Variants in ATXN7L1 observed in about 807,000 individuals in gnomAD.
ATXN7L1 encodes ataxin 7 like 1.
ATXN7L1 carries 15 observed loss-of-function variants against 70.8 expected under a neutral mutation model. That is an observed-to-expected ratio of 0.21 (90% confidence interval 0.14 to 0.33). ATXN7L1 has a LOEUF of 0.33. Ranked by LOEUF, ATXN7L1 falls within the 10% of genes least tolerant of loss-of-function variation. ATXN7L1 has a pLI of 1.00. For synonymous variants in ATXN7L1, 440 were observed against 445.1 expected (o/e 0.99, Z 0.14); for missense variants, 975 against 1,097.1 (o/e 0.89, Z 1.57).
chr7:105,610,566 C>G lies in ATXN7L1; in HGVS notation c.2510G>C (p.Ser837Thr). 4 of 1,551,410 alleles carry G rather than the reference C, an allele frequency of 2.6e-6. No homozygotes were observed. Among genetic ancestry groups the G allele is most frequent in the Non-Finnish European group, 3.5e-6 (4 of 1,146,952 alleles). Residue 837 changes from serine (S) to threonine (T), a missense_variant, in exon 11 of 12, where the codon AGT (serine) becomes ACT (threonine). Coordinates refer to ENST00000419735, the MANE Select transcript of ATXN7L1 (RefSeq NM_020725.2). ...TCCTGGGCTGGATATACTTGAAGGA[C>G]TGGATTGTGACAAAGCTAGGCTGCT... is the stretch of plus-strand genomic sequence containing the variant. ...KNSSLALSQS[S>T]PSSISSPGHS... is the part of the protein sequence containing the mutation.
chr7:105,619,848 C>T (rs1026085138), intron 9 of ATXN7L1, among the ~76,000 whole-genome samples: 2 of 152,012 alleles, frequency 1.3e-5, no homozygotes, highest in Non-Finnish European at 2.9e-5. Flanking sequence ...TGAATCACTG[C>T]ACTCAGCCAG....
At chr7:105,834,926 G>A (rs1175380566) in intron 2 of ATXN7L1, among the ~76,000 whole-genome samples, 1 of 151,898 alleles carries the variant, frequency 6.6e-6, no homozygotes, top group Non-Finnish European at 1.5e-5. Context: ...GATGCCTACT[G>A]GGAATCCAGG....
intron 3 of ATXN7L1, among the ~76,000 whole-genome samples, chr7:105,725,500 T>C (rs1278489825): frequency 6.6e-6 from 1 of 152,188 alleles, no homozygotes; most frequent in Non-Finnish European, 1.5e-5. Flanking sequence ...AGTGCATGGA[T>C]TGGCAGGTAG....
chr7:105,722,560 TAAAAAAAAAAAAAAAAAAAAAAA>T (rs56228890), intron 3 of ATXN7L1, among the ~76,000 whole-genome samples: 14 of 20,840 alleles, frequency 6.7e-4, no homozygotes, highest in Non-Finnish European at 1.1e-3. Context: ...GACTCTGCCT[TAAAAAAAAAAAAAAAAAAAAAAA>T]AAAAAAAAAA....
intron 3 of ATXN7L1, among the ~76,000 whole-genome samples, chr7:105,780,756 C>T (rs1357852274): frequency 6.6e-6 from 1 of 152,126 alleles, no homozygotes; most frequent in African/African-American, 2.4e-5. Context: ...ATTTTATGGA[C>T]TGCTGTAAGA....
At chr7:105,721,513 C>T (rs984600934) in intron 3 of ATXN7L1, among the ~76,000 whole-genome samples, 2 of 152,186 alleles carry the variant, frequency 1.3e-5, no homozygotes, top group South Asian at 2.1e-4. Context: ...GCCTGCATCC[C>T]GCCCTTACAG....
intron 3 of ATXN7L1, among the ~76,000 whole-genome samples, chr7:105,745,903 T>G (rs747972746): frequency 4.6e-5 from 7 of 152,194 alleles, no homozygotes; most frequent in Non-Finnish European, 1.0e-4. Flanking sequence ...CACACTCCTA[T>G]ATCCAACTGC....
chr7:105,607,544 C>A lies in ATXN7L1; in HGVS notation c.*308G>T, dbSNP rs895058870. The A allele has an allele frequency of 4.7e-6, 2 of 428,324 alleles. No individual in the cohort carries two copies. Among genetic ancestry groups the A allele is most frequent in the Admixed American group, 7.2e-5 (2 of 27,842 alleles). 26.5% of individuals were successfully genotyped at this position (428,324 alleles called of 1,614,324 possible). A position where few individuals can be genotyped will look rare whatever the true frequency, so the allele number is the denominator to read the frequency against. On this transcript the variant is annotated 3_prime_UTR_variant, in exon 12 of 12. Coordinates refer to ENST00000419735, the MANE Select transcript of ATXN7L1 (RefSeq NM_020725.2). ...TCATGGCTGGAGCAAAAGGATGGTA[C>A]AGTAGCAGCATCAGGAGCTAGGGGA...
intron 2 of ATXN7L1, among the ~76,000 whole-genome samples, chr7:105,825,952 G>T (rs1055908580): frequency 1.3e-5 from 2 of 152,226 alleles, no homozygotes; most frequent in Non-Finnish European, 2.9e-5. Flanking sequence ...AGGAAGGAAA[G>T]GGGGTGGAGA....
chr7:105,778,390 G>C (rs185731926), intron 3 of ATXN7L1, among the ~76,000 whole-genome samples: 274 of 150,654 alleles, frequency 1.8e-3, no homozygotes, highest in Non-Finnish European at 3.3e-3. Context: ...TTATGCCTGT[G>C]GTCCCAGCTA....
At chr7:105,768,156 C>T (rs933607267) in intron 3 of ATXN7L1, among the ~76,000 whole-genome samples, 14 of 152,204 alleles carry the variant, frequency 9.2e-5, no homozygotes, top group African/African-American at 3.4e-4. Flanking sequence ...AACCTCATTA[C>T]ACATTTCAGC....
chr7:105,718,616 G>A (rs1377282536), intron 3 of ATXN7L1, among the ~76,000 whole-genome samples: 2 of 152,166 alleles, frequency 1.3e-5, no homozygotes, highest in African/African-American at 4.8e-5. Flanking sequence ...TTGCATCTCT[G>A]CAGTTGACGG....
intron 3 of ATXN7L1, among the ~76,000 whole-genome samples, chr7:105,758,841 A>G (rs1161019714): frequency 6.6e-6 from 1 of 152,210 alleles, no homozygotes; most frequent in Non-Finnish European, 1.5e-5. Flanking sequence ...CACTCTGCTG[A>G]TGACACTCAA....
At chr7:105,705,158 G>A (rs1792993888) in intron 3 of ATXN7L1, among the ~76,000 whole-genome samples, 1 of 151,866 alleles carries the variant, frequency 6.6e-6, no homozygotes, top group South Asian at 2.1e-4. Flanking sequence ...CCAAGTAGCT[G>A]GGATTTACAG....
intron 3 of ATXN7L1, among the ~76,000 whole-genome samples, chr7:105,777,670 C>T (rs73413284): frequency 0.049 from 7,456 of 152,274 alleles, 636 homozygotes; most frequent in African/African-American, 0.17. Flanking sequence ...ACGGCTACCA[C>T]GATGATCTGT....
At chr7:105,794,046 C>T (rs1011140481) in intron 2 of ATXN7L1, among the ~76,000 whole-genome samples, 6 of 140,188 alleles carry the variant, frequency 4.3e-5, no homozygotes, top group African/African-American at 1.3e-4. Context: ...ATGTGGTGTA[C>T]ACGCTGATAT....
chr7:105,740,769 AT>A lies in ATXN7L1; in HGVS notation c.355+47834del, dbSNP rs1235457353. Among the ~76,000 whole-genome samples the A allele has an allele frequency of 5.7e-3, 485 of 85,502 alleles. 9 individuals carry two copies. Among genetic ancestry groups the A allele is most frequent in the Admixed American group, 5.8e-3 (46 of 7,960 alleles). The allele number at this position is 85,502 out of a possible 152,430, so 56.1% of individuals were successfully genotyped here. A position where few individuals can be genotyped will look rare whatever the true frequency, so the allele number is the denominator to read the frequency against. On this transcript the variant is annotated intron_variant, in intron 3 of 11. Transcript: ENST00000419735. ...TGCTCAGTCAAAGGTGGCTCCATTC[AT>A]TTTTTTTTTTTTTTAATGGAGTCTC...
chr7:105,869,238 T>A (rs1817903254), intron 2 of ATXN7L1, among the ~76,000 whole-genome samples: 1 of 152,152 alleles, frequency 6.6e-6, no homozygotes, highest in African/African-American at 2.4e-5. Context: ...AACGCCAAAG[T>A]GAACAAATGT....
chr7:105,813,207 TATA>T (rs1407208951), intron 2 of ATXN7L1, among the ~76,000 whole-genome samples: 5 of 152,208 alleles, frequency 3.3e-5, no homozygotes, highest in African/African-American at 1.2e-4. Flanking sequence ...ACACTGTATC[TATA>T]ATATTTCCTG....
Sources: allele counts gnomAD v4.1 joint callset (sites outside exome capture counted in the v4.1 genomes callset), GRCh38; gene constraint gnomAD v4.1.1; transcripts MANE v1.5; gene names NCBI Gene and HGNC (gene_info 2026-07-23, HGNC 2026-07-21).